ZNF423: variants seen among roughly 807,000 people sequenced by gnomAD.
ZNF423 encodes the protein zinc finger protein 423.
ZNF423 carries 12 observed loss-of-function variants against 95.8 expected under a neutral mutation model. The observed-to-expected ratio is 0.13, with a 90% CI of 0.08 to 0.20. The LOEUF is 0.20. Ranked by LOEUF, ZNF423 falls within the 10% of genes least tolerant of loss-of-function variation. The probability of loss-of-function intolerance (pLI) is 1.00; values close to 1 mark genes in which losing one functional copy is unlikely to be tolerated. For synonymous variants in ZNF423, 749 were observed against 711.9 expected (o/e 1.05, Z -0.83); for missense variants, 1,316 against 1,737.1 (o/e 0.76, Z 4.31).
chr16:49,626,134 T>C (rs1972257892), intron 5 of ZNF423, 36 bp downstream of exon 5: 4 of 1,603,732 alleles, frequency 2.5e-6, no homozygotes, highest in Admixed American at 3.3e-5. Context: ...CCCCAAAGAG[T>C]AGCTCCAGCA....
At chr16:49,524,006 A>C (rs1321602297) in intron 6 of ZNF423, among the ~76,000 whole-genome samples, 2 of 152,156 alleles carry the variant, frequency 1.3e-5, no homozygotes, top group Non-Finnish European at 1.5e-5. Flanking sequence ...GAAGATTATA[A>C]TATGTCCCTA....
intron 2 of ZNF423, among the ~76,000 whole-genome samples, chr16:49,776,389 A>C (rs1046797558): frequency 6.6e-5 from 10 of 152,196 alleles, no homozygotes; most frequent in African/African-American, 2.4e-4. Flanking sequence ...CCAGCACAGG[A>C]AATAACAGGG....
chr16:49,714,056 G>A (rs1373020266), intron 3 of ZNF423, among the ~76,000 whole-genome samples: 1 of 152,224 alleles, frequency 6.6e-6, no homozygotes, highest in African/African-American at 2.4e-5. Context: ...AGTTGCTTCT[G>A]AAGCCCAGCT....
At chr16:49,696,311 G>C (rs1436354698) in intron 3 of ZNF423, among the ~76,000 whole-genome samples, 1 of 152,156 alleles carries the variant, frequency 6.6e-6, no homozygotes, top group Non-Finnish European at 1.5e-5. Flanking sequence ...CCTCATACAT[G>C]GGGTATTATT....
At chr16:49,812,967 G>A (rs910583308) in intron 1 of ZNF423, among the ~76,000 whole-genome samples, 1 of 152,096 alleles carries the variant, frequency 6.6e-6, no homozygotes, top group East Asian at 1.9e-4. Flanking sequence ...TTAGCAATTC[G>A]TGTGTTTAAA....
intron 7 of ZNF423, among the ~76,000 whole-genome samples, chr16:49,521,622 C>T (rs537571897): frequency 1.3e-5 from 2 of 152,278 alleles, no homozygotes; most frequent in South Asian, 2.1e-4. Flanking sequence ...GAAGTGGAAC[C>T]CCCTCTCTGG....
intron 2 of ZNF423, among the ~76,000 whole-genome samples, chr16:49,740,865 A>G (rs544922283): frequency 6.6e-6 from 1 of 152,372 alleles, no homozygotes; most frequent in East Asian, 1.9e-4. Flanking sequence ...TAGAACCTAA[A>G]GGACTAGCAG....
chr16:49,631,294 T>C (rs147670753), intron 4 of ZNF423, among the ~76,000 whole-genome samples: 1 of 152,194 alleles, frequency 6.6e-6, no homozygotes, highest in East Asian at 1.9e-4. Context: ...GACTCATAAG[T>C]GCTCACATGT....
chr16:49,729,200 G>A (rs1336189978), intron 3 of ZNF423, among the ~76,000 whole-genome samples: 1 of 152,186 alleles, frequency 6.6e-6, no homozygotes, highest in Non-Finnish European at 1.5e-5. Context: ...CTATTCTCTT[G>A]CATTTAGAAA....
At chr16:49,694,157 T>C (rs1182160650) in intron 3 of ZNF423, among the ~76,000 whole-genome samples, 2 of 152,256 alleles carry the variant, frequency 1.3e-5, no homozygotes, top group Admixed American at 6.5e-5. Flanking sequence ...GGATGCTTAA[T>C]AGATACTTAG....
chr16:49,743,378 G>A (rs894125748), intron 2 of ZNF423, among the ~76,000 whole-genome samples: 10 of 152,072 alleles, frequency 6.6e-5, no homozygotes, highest in African/African-American at 1.2e-4. Context: ...CTGGATGTGC[G>A]AAGGTCTCCT....
chr16:49,857,840 C>T (rs2035387710), upstream of ZNF423: 1 of 152,264 alleles, frequency 6.6e-6, no homozygotes, highest in African/African-American at 2.4e-5. The surrounding 1 kb of genome is among the most constrained non-coding windows in gnomAD (Gnocchi z 6.2). Flanking sequence ...CCAGGGGGCG[C>T]CGCGCGTCCC....
At chr16:49,752,225 C>T (rs2033645787) in intron 2 of ZNF423, among the ~76,000 whole-genome samples, 2 of 152,378 alleles carry the variant, frequency 1.3e-5, no homozygotes, top group South Asian at 4.1e-4. Flanking sequence ...CCTGATGCCT[C>T]GCCTGGCTTC....
At chr16:49,590,336 C>A (rs1970972658) in intron 5 of ZNF423, among the ~76,000 whole-genome samples, 2 of 152,166 alleles carry the variant, frequency 1.3e-5, no homozygotes, top group South Asian at 4.2e-4. Context: ...GCCGGGCAGT[C>A]CCCCATTCCC....
intron 5 of ZNF423, among the ~76,000 whole-genome samples, chr16:49,534,267 C>T (rs2883920): frequency 0.65 from 94,125 of 144,544 alleles, 30,758 homozygotes; most frequent in African/African-American, 0.84. Context: ...TTTTTGTTTG[C>T]TTTTGAGACC....
intron 5 of ZNF423, among the ~76,000 whole-genome samples, chr16:49,600,822 T>A (rs1038117657): frequency 6.6e-6 from 1 of 152,108 alleles, no homozygotes; most frequent in Non-Finnish European, 1.5e-5. Flanking sequence ...TACTAATGAC[T>A]ACCACATTGC....
At chr16:49,590,647 G>C (rs1036157205) in intron 5 of ZNF423, among the ~76,000 whole-genome samples, 2 of 152,124 alleles carry the variant, frequency 1.3e-5, no homozygotes, top group African/African-American at 4.8e-5. Flanking sequence ...TCTTCTCCTC[G>C]ATTTCTCTTC....
chr16:49,787,770 C>A (rs1248339950), intron 2 of ZNF423, among the ~76,000 whole-genome samples: 1 of 152,150 alleles, frequency 6.6e-6, no homozygotes, highest in Non-Finnish European at 1.5e-5. Context: ...CTGCTGTTCC[C>A]ATCTGTCTGC....
At chr16:49,811,505 C>T (rs2034752350) in intron 1 of ZNF423, among the ~76,000 whole-genome samples, 1 of 152,162 alleles carries the variant, frequency 6.6e-6, no homozygotes, top group Admixed American at 6.5e-5. Flanking sequence ...GGCCAGAGAT[C>T]TGAATATTTA....
Sources: gnomAD v4.1 joint callset for allele counts (sites outside exome capture counted in the v4.1 genomes callset) on GRCh38, gnomAD v4.1.1 for gene constraint, Gnocchi (gnomAD v3.1) non-coding constraint, MANE v1.5 for transcripts, NCBI Gene and HGNC (gene_info 2026-07-23, HGNC 2026-07-21) for gene names.